The following TCAIM variants were observed in gnomAD, a reference collection of about 807,000 sequenced individuals.
TCAIM encodes T cell activation inhibitor, mitochondrial, also known as T-cell activation inhibitor, mitochondrial.
A neutral mutation model predicts 58.6 loss-of-function variants in TCAIM; 36 were observed. That is an observed-to-expected ratio of 0.61 (90% CI 0.47 to 0.81). The LOEUF (loss-of-function observed/expected upper bound fraction) is 0.81. Among genes scored for constraint, TCAIM ranks in the 30% least tolerant of loss-of-function variants. The pLI is 0.00. For missense variants in TCAIM, 466 were observed against 579.6 expected (o/e 0.80, Z 2.01); for synonymous variants, 172 against 193.6 (o/e 0.89, Z 0.93).
chr3:44,343,284 A>T (rs2372687), intron 1 of TCAIM, among the ~76,000 whole-genome samples: 1 of 152,096 alleles, frequency 6.6e-6, no homozygotes, highest in Non-Finnish European at 1.5e-5. Context: ...TTTGAATACA[A>T]ATCTCAAGCC....
chr3:44,388,635 A>G (rs1459660642), intron 5 of TCAIM, among the ~76,000 whole-genome samples: 1 of 152,122 alleles, frequency 6.6e-6, no homozygotes, highest in Non-Finnish European at 1.5e-5. Context: ...CCTTTTACTC[A>G]TTAGATTTTT....
intron 5 of TCAIM, among the ~76,000 whole-genome samples, chr3:44,374,176 G>A (rs922011278): frequency 1.3e-5 from 2 of 151,856 alleles, no homozygotes; most frequent in African/African-American, 2.4e-5. Flanking sequence ...CATATTGTGC[G>A]TTTATTTACT....
At chr3:44,355,676 G>A (rs562147192) in intron 2 of TCAIM, among the ~76,000 whole-genome samples, 1 of 152,328 alleles carries the variant, frequency 6.6e-6, no homozygotes, top group Admixed American at 6.5e-5. Flanking sequence ...TAGTGAATGG[G>A]GGTAGTGAAC....
intron 5 of TCAIM, among the ~76,000 whole-genome samples, chr3:44,386,373 C>G (rs2125648289): frequency 6.6e-6 from 1 of 152,320 alleles, no homozygotes; most frequent in Middle Eastern, 3.4e-3. Flanking sequence ...TGCTAAGACA[C>G]CAGCTGCAGC....
intron 2 of TCAIM, among the ~76,000 whole-genome samples, chr3:44,355,180 T>TG (rs916626223): frequency 6.6e-6 from 1 of 152,174 alleles, no homozygotes; most frequent in African/African-American, 2.4e-5. Flanking sequence ...GGGAAGGTTC[T>TG]GGGGGAATAG....
Position 44,409,308 on chromosome 3 carries a change from G to A in TCAIM, c.*1626G>A, listed in dbSNP as rs1008884657. 11 of 152,044 alleles carry A rather than the reference G, an allele frequency of 7.2e-5. No individual in the cohort carries two copies. Among genetic ancestry groups the A allele is most frequent in the Non-Finnish European group, 1.3e-4 (9 of 68,020 alleles). The allele number at this position is 152,044 out of a possible 1,614,324, so 9.4% of individuals were successfully genotyped here. ...ATAATGGGAGTGAAAAATTCCTTAA[G>A]TGTTATATAAGAAAATATATTAGAA... On this transcript the variant is annotated 3_prime_UTR_variant, in exon 11 of 11. Transcript: ENST00000342649.
At chr3:44,382,145 G>A (rs1243902936) in intron 5 of TCAIM, among the ~76,000 whole-genome samples, 4 of 152,154 alleles carry the variant, frequency 2.6e-5, no homozygotes, top group Non-Finnish European at 5.9e-5. Flanking sequence ...AATTTCAGGG[G>A]ACCTCAAATA....
chr3:44,357,904 T>C, intron 3 of TCAIM, 28 bp downstream of exon 3: 1 of 1,607,796 alleles, frequency 6.2e-7, no homozygotes, highest in Non-Finnish European at 8.5e-7. Flanking sequence ...TTTAAACCAT[T>C]AGTGTACATT....
intron 5 of TCAIM, among the ~76,000 whole-genome samples, chr3:44,389,557 GAAC>G (rs1468267281): frequency 2.0e-5 from 3 of 152,054 alleles, no homozygotes; most frequent in Non-Finnish European, 2.9e-5. Context: ...AAAGTAAGTT[GAAC>G]AACATGTATT....
upstream of TCAIM, chr3:44,338,597 G>A (rs1161060696): frequency 6.5e-6 from 1 of 152,788 alleles, no homozygotes; most frequent in Non-Finnish European, 1.5e-5. Context: ...TGAGAATTCA[G>A]GGTTGGGGGC....
chr3:44,407,585 A>C lies in TCAIM; in HGVS notation c.1394A>C (p.His465Pro). Residue 465 changes from histidine (H) to proline (P), a missense_variant, in exon 11 of 11, where the codon CAT becomes CCT. Physicochemically the swap from His to Pro is moderately conservative, Grantham distance 77. Coordinates refer to ENST00000342649, the MANE Select transcript of TCAIM (RefSeq NM_173826.4). Reference protein sequence around the residue: ...RLLEQSLPYLHGMHLCISHFY... With the variant: ...RLLEQSLPYLPGMHLCISHFY... ...CTAGAACAATCACTGCCTTACCTAC[A>C]TGGGATGCACCTCTGCATTTCACAT... 6.2e-7 allele frequency: 1 copy of C among 1,614,028 alleles called. No individual in the cohort carries two copies. The highest frequency in any genetic ancestry group is 8.5e-7 in the Non-Finnish European group (1 of 1,179,968).
intron 5 of TCAIM, among the ~76,000 whole-genome samples, chr3:44,379,683 G>A (rs906094282): frequency 2.0e-5 from 3 of 152,062 alleles, no homozygotes; most frequent in Non-Finnish European, 2.9e-5. Flanking sequence ...GAGAACCAAT[G>A]GGCACAACAC....
At chr3:44,338,487 T>A (rs1700768053), upstream of TCAIM, 1 of 152,374 alleles carries the variant, frequency 6.6e-6, no homozygotes, top group Non-Finnish European at 1.5e-5. Flanking sequence ...AACCAGGGCG[T>A]CACCTGCAGC....
At chr3:44,369,905 A>G (rs1304783087) in intron 5 of TCAIM, among the ~76,000 whole-genome samples, 2 of 152,236 alleles carry the variant, frequency 1.3e-5, no homozygotes, top group African/African-American at 2.4e-5. Context: ...ATGTGAATGC[A>G]AAGTAACATA....
chr3:44,345,781 G>T (rs1465879304), intron 1 of TCAIM, among the ~76,000 whole-genome samples: 1 of 152,204 alleles, frequency 6.6e-6, no homozygotes, highest in Non-Finnish European at 1.5e-5. Context: ...CTGCCAGCAA[G>T]ATCATCTATC....
rs1232901051 is a variant in TCAIM, at chr3:44,372,077, G to GGAAGGAAGGAAGGAAGGAAC, written c.572+4369_572+4370insGAAGGAAGGAAGGAAGGAAC. Among the ~76,000 whole-genome samples the GGAAGGAAGGAAGGAAGGAAC allele has an allele frequency of 4.9e-4, 72 of 146,232 alleles. 2 individuals are homozygous for GGAAGGAAGGAAGGAAGGAAC. The highest frequency in any genetic ancestry group is 1.4e-3 in the African/African-American group (54 of 39,596). ...AGGAAGGAAGGAAGGAAGGAAGGAA[G>GGAAGGAAGGAAGGAAGGAAC]ATACAGTATTAGCAAGATGTGAAAC... On this transcript the variant is annotated intron_variant, in intron 5 of 10. Coordinates refer to ENST00000342649, the MANE Select transcript of TCAIM (RefSeq NM_173826.4).
intron 5 of TCAIM, among the ~76,000 whole-genome samples, chr3:44,369,354 C>G (rs1701428372): frequency 6.6e-6 from 1 of 152,106 alleles, no homozygotes; most frequent in Non-Finnish European, 1.5e-5. Flanking sequence ...ATACATCAAG[C>G]CAAAACAGCA....
chr3:44,368,416 A>G (rs1701414382), intron 5 of TCAIM, among the ~76,000 whole-genome samples: 2 of 152,216 alleles, frequency 1.3e-5, no homozygotes, highest in African/African-American at 4.8e-5. Context: ...CACTGGCATA[A>G]TATCTGCTTT....
Position 44,409,314 on chromosome 3 carries a change from T to C in TCAIM, c.*1632T>C, listed in dbSNP as rs1702146450. 6.6e-6 allele frequency: 1 copy of C among 152,222 alleles called. No individual in the cohort carries two copies. Among genetic ancestry groups the C allele is most frequent in the African/African-American group, 2.4e-5 (1 of 41,460 alleles). 9.4% of individuals were successfully genotyped at this position (152,222 alleles called of 1,614,324 possible). On this transcript the variant is annotated 3_prime_UTR_variant, in exon 11 of 11. Coordinates refer to ENST00000342649, the MANE Select transcript of TCAIM (RefSeq NM_173826.4). The stretch of plus-strand genomic sequence containing the variant: ...GGAGTGAAAAATTCCTTAAGTGTTA[T>C]ATAAGAAAATATATTAGAAAATCAG...
Sources: gnomAD v4.1 joint callset for allele counts (sites outside exome capture counted in the v4.1 genomes callset) on GRCh38, gnomAD v4.1.1 for gene constraint, MANE v1.5 for transcripts, NCBI Gene and HGNC (gene_info 2026-07-23, HGNC 2026-07-21) for gene names.